CNTLN: variants seen among roughly 807,000 people sequenced by gnomAD.
The protein encoded by CNTLN is centlein.
Under a neutral mutation model 180.0 loss-of-function variants are expected in CNTLN, and 212 were observed. That is an observed-to-expected ratio of 1.18 (90% CI 1.05 to 1.32). CNTLN has a LOEUF of 1.32. Ranked by LOEUF, CNTLN falls within the 40% of genes most tolerant of loss-of-function variation. The probability of loss-of-function intolerance (pLI) is 0.00; values close to 1 mark genes in which losing one functional copy is unlikely to be tolerated. For synonymous variants in CNTLN, 722 were observed against 563.1 expected (o/e 1.28, Z -3.99); for missense variants, 2,095 against 1,610.9 (o/e 1.30, Z -5.14).
At chr9:17,332,582 C>A (rs1291951209) in intron 9 of CNTLN, 23 bp from the exon 10 acceptor site, 2 of 1,591,452 alleles carry the variant, frequency 1.3e-6, no homozygotes, top group African/African-American at 2.7e-5. Context: ...CTAGTTCAAC[C>A]ATGTCCTTGT....
intron 18 of CNTLN, among the ~76,000 whole-genome samples, chr9:17,439,242 A>G (rs770834014): frequency 1.3e-5 from 2 of 152,314 alleles, no homozygotes; most frequent in Middle Eastern, 3.4e-3. Flanking sequence ...GTCATTAAAG[A>G]TATACATTAT....
chr9:17,521,125 A>T, the CNTLN span, among the ~76,000 whole-genome samples: 1 of 152,312 alleles, frequency 6.6e-6, no homozygotes, highest in South Asian at 2.1e-4. Flanking sequence ...TGATGTTTTA[A>T]AATGAAGAAG....
chr9:17,480,626 T>C (rs1286813863), intron 23 of CNTLN, among the ~76,000 whole-genome samples: 2 of 152,160 alleles, frequency 1.3e-5, no homozygotes, highest in Admixed American at 1.3e-4. Context: ...AGCCACAAAA[T>C]TTAACAAATT....
intron 8 of CNTLN, among the ~76,000 whole-genome samples, chr9:17,314,279 G>A (rs561098504): frequency 6.6e-6 from 1 of 151,918 alleles, no homozygotes; most frequent in African/African-American, 2.4e-5. Flanking sequence ...CTTTTCTTTT[G>A]AATATGGGTC....
chr9:17,274,997 A>G (rs1462306129), intron 6 of CNTLN, among the ~76,000 whole-genome samples: 1 of 152,114 alleles, frequency 6.6e-6, no homozygotes, highest in Non-Finnish European at 1.5e-5. Flanking sequence ...AGGGTGAGGA[A>G]AAGTATAAAC....
intron 8 of CNTLN, among the ~76,000 whole-genome samples, chr9:17,317,399 A>C (rs184235755): frequency 1.3e-5 from 2 of 152,318 alleles, no homozygotes; most frequent in East Asian, 3.9e-4. Context: ...TGTTAACTAC[A>C]ACTCTCCATC....
Position 17,249,352 on chromosome 9 carries a change from TTG to T in CNTLN, c.849+12766_849+12767del, listed in dbSNP as rs1370503064. ...TCCATTGGTTCTTTGATTGTTTTTT[TTG>T]TTTTTTTTTTTTGAGCTGGAGTCTC... On this transcript the variant is annotated intron_variant, in intron 5 of 25. Transcript: ENST00000380647. 2.0e-4 allele frequency among the ~76,000 whole-genome samples: 19 copies of T among 95,882 alleles called. 1 individual carries two copies. Among genetic ancestry groups the T allele is most frequent in the African/African-American group, 5.5e-4 (9 of 16,388 alleles). The allele number at this position is 95,882 out of a possible 152,430, so 62.9% of individuals were successfully genotyped here. A position where few individuals can be genotyped will look rare whatever the true frequency, so the allele number is the denominator to read the frequency against.
At chr9:17,436,002 G>A (rs982277300) in intron 18 of CNTLN, among the ~76,000 whole-genome samples, 2 of 152,070 alleles carry the variant, frequency 1.3e-5, no homozygotes, top group African/African-American at 4.8e-5. Flanking sequence ...GGATATAAGA[G>A]AAACAAATAA....
rs560478290 is a variant in CNTLN at position 17,263,557 on chromosome 9, C to A, written c.850-10176C>A. ...ATTTATAATCCTTTGGGTGTATACC[C>A]AGTAATGGGATGGCTGGGTCAAATG... is the stretch of plus-strand genomic sequence containing the variant. On this transcript the variant is annotated intron_variant, in intron 5 of 25. Transcript: ENST00000380647. 5.0e-3 allele frequency among the ~76,000 whole-genome samples: 762 copies of A among 151,512 alleles called. 5 individuals carry two copies. The highest frequency in any genetic ancestry group is 0.017 in the African/African-American group (708 of 41,058).
chr9:17,138,229 C>A (rs2131398039), intron 1 of CNTLN, among the ~76,000 whole-genome samples: 1 of 151,978 alleles, frequency 6.6e-6, no homozygotes, highest in African/African-American at 2.4e-5. Flanking sequence ...CATTTATCAC[C>A]ATTTATAGAG....
chr9:17,212,806 T>C (rs1379545015), intron 2 of CNTLN, among the ~76,000 whole-genome samples: 39 of 152,218 alleles, frequency 2.6e-4, no homozygotes, highest in Admixed American at 2.6e-3. Flanking sequence ...TCCAGGAATT[T>C]ATCCATTTCT....
chr9:17,517,913 C>T, the CNTLN span, among the ~76,000 whole-genome samples: 1 of 151,920 alleles, frequency 6.6e-6, no homozygotes, highest in African/African-American at 2.4e-5. Flanking sequence ...CTCAGGCCTT[C>T]CGACTCTGTG....
At chr9:17,423,473 A>C (rs959798176) in intron 18 of CNTLN, among the ~76,000 whole-genome samples, 2 of 151,980 alleles carry the variant, frequency 1.3e-5, no homozygotes, top group African/African-American at 4.8e-5. Flanking sequence ...TCCTTTCTGC[A>C]ATCAGGAGTC....
intron 18 of CNTLN, among the ~76,000 whole-genome samples, chr9:17,435,555 G>A (rs1411268787): frequency 1.5e-5 from 2 of 133,070 alleles, no homozygotes; most frequent in African/African-American, 5.0e-5. Flanking sequence ...CTCAAAGAGT[G>A]GCTCTTTTTT....
At chr9:17,340,771 C>A in intron 10 of CNTLN, 56 bp from the exon 11 acceptor site, 1 of 1,440,912 alleles carries the variant, frequency 6.9e-7, no homozygotes, top group Non-Finnish European at 9.3e-7. Flanking sequence ...TTATTTGAAA[C>A]ATTATATTAA....
chr9:17,334,734 A>C (rs1820885148), intron 10 of CNTLN, among the ~76,000 whole-genome samples: 1 of 152,100 alleles, frequency 6.6e-6, no homozygotes, highest in Non-Finnish European at 1.5e-5. Flanking sequence ...CATGGACATA[A>C]AGATGGGAAC....
At chr9:17,370,391 A>C (rs1824217207) in intron 13 of CNTLN, among the ~76,000 whole-genome samples, 1 of 152,202 alleles carries the variant, frequency 6.6e-6, no homozygotes, top group Admixed American at 6.5e-5. Flanking sequence ...GCTAGGAGAT[A>C]GTGGCATGAC....
chr9:17,216,873 A>G (rs1007001032), intron 2 of CNTLN, among the ~76,000 whole-genome samples: 4 of 152,214 alleles, frequency 2.6e-5, no homozygotes, highest in African/African-American at 9.6e-5. Flanking sequence ...CCAGAACTGT[A>G]GCTGCCAGAA....
chr9:17,180,925 A>T (rs1219371592), intron 2 of CNTLN, among the ~76,000 whole-genome samples: 3 of 152,102 alleles, frequency 2.0e-5, no homozygotes, highest in Admixed American at 6.5e-5. Context: ...TGTCATCTGA[A>T]TCATTGTTTT....
Sources: allele counts gnomAD v4.1 joint callset (sites outside exome capture counted in the v4.1 genomes callset), GRCh38; gene constraint gnomAD v4.1.1; transcripts MANE v1.5; gene names NCBI Gene and HGNC (gene_info 2026-07-23, HGNC 2026-07-21).